HDAC10: variants seen among roughly 807,000 people sequenced by gnomAD.
HDAC10 encodes the protein polyamine deacetylase HDAC10.
A neutral mutation model predicts 82.3 loss-of-function variants in HDAC10; 90 were observed. The observed-to-expected ratio is 1.09, with a 90% CI of 0.92 to 1.30. The LOEUF is 1.30. Among genes scored for constraint, HDAC10 ranks in the 50% most tolerant of loss-of-function variants. HDAC10 has a pLI of 0.00. For synonymous variants in HDAC10, 456 were observed against 391.7 expected, an observed-to-expected ratio of 1.16 and a Z score of -1.94; for missense variants, 934 against 876.3, an observed-to-expected ratio of 1.07 and a Z score of -0.83.
Position 50,245,459 on chromosome 22 carries a change from G to C in HDAC10, c.*48C>G. Reference sequence around the variant, plus strand: ...TCCGGATCGCGGCCGCGGGGCGCTGGCGTGCGGTGTCATTTCTGCGGTGTA... The same window carrying C: ...TCCGGATCGCGGCCGCGGGGCGCTGCCGTGCGGTGTCATTTCTGCGGTGTA... On this transcript the variant is annotated 3_prime_UTR_variant, in exon 20 of 20. Transcript: ENST00000216271. The C allele has an allele frequency of 1.3e-6, 1 of 759,696 alleles. No homozygotes were observed. Among genetic ancestry groups the C allele is most frequent in the Admixed American group, 1.9e-5 (1 of 53,506 alleles). 47.1% of individuals were successfully genotyped at this position (759,696 alleles called of 1,614,324 possible).
chr22:50,249,684 C>A lies in HDAC10; in HGVS notation c.514G>T (p.Asp172Tyr), dbSNP rs752240088. Residue 172 changes from aspartate (D) to tyrosine (Y), a missense_variant, in exon 6 of 20, where the codon GAT becomes TAT. Transcript: ENST00000216271. The surrounding 1 kb of genome is among the most constrained non-coding windows in gnomAD (Gnocchi z 4.4). The stretch of plus-strand genomic sequence containing the variant: ...TGGATCCCCTGGCCATGGTGCACAT[C>A]CCAGTCCACGACGAGGATCCTGGGT... ...GLHRILVVDWDVHHGQGIQYL... is the reference protein window; with the variant it reads ...GLHRILVVDWYVHHGQGIQYL... The A allele has an allele frequency of 8.1e-6, 13 of 1,612,612 alleles. No individual in the cohort carries two copies. Among genetic ancestry groups the A allele is most frequent in the African/African-American group, 1.3e-5 (1 of 74,862 alleles).
At position 50,248,205 on chromosome 22, in the gene HDAC10, T is replaced by A. The variant is rs2065001625; in HGVS notation, c.1081+20A>T. ...GAGCCCGAGGTGGGATCCTGCAGCC[T>A]AGCACCCGGCCACACTGACCTTGCT... On this transcript the variant is annotated intron_variant, in intron 12 of 19. Coordinates refer to ENST00000216271, the MANE Select transcript of HDAC10 (RefSeq NM_032019.6). This position sits in a 1 kb window ranked among gnomAD's most constrained non-coding sequence, Gnocchi z 5.4. 1 of 1,608,650 alleles carries A rather than the reference T, an allele frequency of 6.2e-7. No homozygotes were observed. The highest frequency in any genetic ancestry group is 8.5e-7 in the Non-Finnish European group (1 of 1,178,110).
Position 50,249,152 on chromosome 22 carries a change from G to A in HDAC10, c.707C>T (p.Ala236Val), listed in dbSNP as rs2065024645. Residue 236 changes from alanine to valine, a missense_variant, in exon 8 of 20, where the codon GCT becomes GTT. By Grantham distance (64) the Ala-to-Val change is moderately conservative. Transcript: ENST00000216271. This position sits in a 1 kb window ranked among gnomAD's most constrained non-coding sequence, Gnocchi z 4.4. Reference sequence around the variant, plus strand: ...GTGCAGGAAGGCAGCCACGTAGTCAGCGTTTCCCATCCCAACCTGGCAGGA... The same window carrying A: ...GTGCAGGAAGGCAGCCACGTAGTCAACGTTTCCCATCCCAACCTGGCAGGA... Reference protein sequence around the residue: ...LPWNQVGMGNADYVAAFLHLL... With the variant: ...LPWNQVGMGNVDYVAAFLHLL... 15 of 1,605,154 alleles carry A rather than the reference G, an allele frequency of 9.3e-6. No individual in the cohort carries two copies. Among genetic ancestry groups the A allele is most frequent in the Non-Finnish European group, 1.3e-5 (15 of 1,176,682 alleles).
chr22:50,246,580 C>T (rs1177478089), intron 16 of HDAC10, 99 bp downstream of exon 16: 10 of 1,266,078 alleles, frequency 7.9e-6, no homozygotes, highest in Non-Finnish European at 1.1e-5. Context: ...CAGTACCACA[C>T]AGTGCCCCAC....
Position 50,248,362 on chromosome 22 carries a change from G to T in HDAC10, c.1013+4C>A. 1 of 1,610,760 alleles carries T rather than the reference G, an allele frequency of 6.2e-7. No individual in the cohort carries two copies. Among genetic ancestry groups the T allele is most frequent in the Non-Finnish European group, 8.5e-7 (1 of 1,179,802 alleles). On this transcript the variant is annotated splice_donor_region_variant and intron_variant, in intron 11 of 19. Transcript: ENST00000216271. The surrounding 1 kb of genome is among the most constrained non-coding windows in gnomAD (Gnocchi z 5.4). ...GGCCCTGCCCGCCCTACCTCCCCTC[G>T]CACCTCTGACATGGCGCCATTGGCC...
Position 50,249,722 on chromosome 22 carries a change from G to T in HDAC10, c.495-19C>A, listed in dbSNP as rs1348678969. On this transcript the variant is annotated intron_variant, in intron 5 of 19. Coordinates refer to ENST00000216271, the MANE Select transcript of HDAC10 (RefSeq NM_032019.6). This position sits in a 1 kb window ranked among gnomAD's most constrained non-coding sequence, Gnocchi z 4.4. ...GAGGATCCTGGGTACAGACAGCGCT[G>T]GTGGCAAAGGGGCAGGGCCTCCCAC... The T allele has an allele frequency of 1.2e-6, 2 of 1,612,336 alleles. No homozygotes were observed. The highest frequency in any genetic ancestry group is 1.7e-6 in the Non-Finnish European group (2 of 1,179,766).
At chr22:50,247,065 A>G (rs1279406669) in intron 14 of HDAC10, 99 bp from the exon 15 acceptor site, 2 of 666,046 alleles carry the variant, frequency 3.0e-6, no homozygotes, top group African/African-American at 1.8e-5. Flanking sequence ...CTCTGCGGCT[A>G]CTGTCAGCCA....
chr22:50,250,457 G>T lies in HDAC10; in HGVS notation c.261C>A (p.Ser87=), dbSNP rs745703749. The stretch of plus-strand genomic sequence containing the variant: ...GGAAGTAGATGGCGTCGAACTGTCC[G>T]GACAGCGCCTGCAGCTCCTCCTTGC... ...VLGKEELQAL[S]GQFDAIYFHP... The change falls in exon 3 of 20, where the codon TCC becomes TCA. Residue 87 remains serine, a synonymous_variant. Coordinates refer to ENST00000216271, the MANE Select transcript of HDAC10 (RefSeq NM_032019.6). The T allele has an allele frequency of 6.2e-7, 1 of 1,613,012 alleles. No homozygotes were observed. The highest frequency in any genetic ancestry group is 8.5e-7 in the Non-Finnish European group (1 of 1,179,982).
In HDAC10 at chr22:50,245,239, G is replaced by C. The variant is rs905916339; in HGVS notation, c.*268C>G. The C allele has an allele frequency of 3.5e-6, 2 of 576,832 alleles. No homozygotes were observed. The highest frequency in any genetic ancestry group is 3.2e-5 in the Admixed American group (1 of 31,330). The allele number at this position is 576,832 out of a possible 1,614,324, so 35.7% of individuals were successfully genotyped here. ...AGGGCGGGGAGCGAAGCGCAGCGGG[G>C]CGCAGGGGCCGGAACGGGACCGAGC... On this transcript the variant is annotated 3_prime_UTR_variant, in exon 20 of 20. Coordinates refer to ENST00000216271, the MANE Select transcript of HDAC10 (RefSeq NM_032019.6).
At chr22:50,250,323 G>C in intron 3 of HDAC10, 104 bp downstream of exon 3, 1 of 1,265,012 alleles carries the variant, frequency 7.9e-7, no homozygotes, top group Non-Finnish European at 1.1e-6. Flanking sequence ...AATGTCATGT[G>C]TATGGACCAG....
chr22:50,246,012 C>T lies in HDAC10; in HGVS notation c.1731G>A (p.Val577=). ...GCAGGCCATGGCCAGGCCCCAGCGC[C>T]ACCAGCACCAGGTCAGGCTGGAAGC... ...AYGFQPDLVL[V]ALGPGHGLQG... The change falls in exon 18 of 20, where the codon GTG becomes GTA. Residue 577 remains valine, a synonymous_variant. Coordinates refer to ENST00000216271, the MANE Select transcript of HDAC10 (RefSeq NM_032019.6). 7 of 1,612,628 alleles carry T rather than the reference C, an allele frequency of 4.3e-6. No homozygotes were observed. The African/African-American group carries it at 6.7e-5, about 15-fold the overall frequency.
At chr22:50,246,246 C>T (rs186392057) in intron 17 of HDAC10, 52 bp downstream of exon 17, 11 of 1,551,910 alleles carry the variant, frequency 7.1e-6, no homozygotes, top group South Asian at 1.1e-5. Context: ...AGCAGCTGTA[C>T]ACATCCATGG....
Position 50,248,610 on chromosome 22 carries a change from G to C in HDAC10, c.906+52C>G, listed in dbSNP as rs2065011997. 1 of 1,476,300 alleles carries C rather than the reference G, an allele frequency of 6.8e-7. No homozygotes were observed. Among genetic ancestry groups the C allele is most frequent in the African/African-American group, 1.4e-5 (1 of 71,608 alleles). 91.5% of individuals were successfully genotyped at this position (1,476,300 alleles called of 1,614,324 possible). ...GTGGGCACCTGGCTCCCATGCTCCT[G>C]ACCCCCAGGCCTCTGGCCCAGAGAC... On this transcript the variant is annotated intron_variant, in intron 10 of 19. Transcript: ENST00000216271. This position sits in a 1 kb window ranked among gnomAD's most constrained non-coding sequence, Gnocchi z 5.4.
Position 50,251,068 on chromosome 22 carries a change from C to G in HDAC10, c.-36G>C. ...TGGTCACCCTGGGTTCCCAAACGCC[C>G]TCGCTAGTGGTGCCTGCCACTGCCT... On this transcript the variant is annotated 5_prime_UTR_variant, in exon 1 of 20. Coordinates refer to ENST00000216271, the MANE Select transcript of HDAC10 (RefSeq NM_032019.6). 2 of 1,590,824 alleles carry G rather than the reference C, an allele frequency of 1.3e-6. No homozygotes were observed. The highest frequency in any genetic ancestry group is 1.7e-6 in the Non-Finnish European group (2 of 1,166,638).
rs746204486 is a variant in HDAC10, at chr22:50,249,629, G to C, written c.563+6C>G. 6.2e-7 allele frequency: 1 copy of C among 1,612,674 alleles called. No homozygotes were observed. Among genetic ancestry groups the C allele is most frequent in the Non-Finnish European group, 8.5e-7 (1 of 1,179,898 alleles). On this transcript the variant is annotated splice_donor_region_variant and intron_variant, in intron 6 of 19. Coordinates refer to ENST00000216271, the MANE Select transcript of HDAC10 (RefSeq NM_032019.6). This position sits in a 1 kb window ranked among gnomAD's most constrained non-coding sequence, Gnocchi z 4.4. ...AGGGAAGGGTGGTTTCCGCACCCCT[G>C]CTCACCTGGGGTCATCCTCAAAGAG...
Position 50,248,096 on chromosome 22 carries a change from C to T in HDAC10, c.1131G>A (p.Arg377=). Residue 377 remains arginine (R), a synonymous_variant, in exon 13 of 20, where the codon AGG becomes AGA. Transcript: ENST00000216271. The surrounding 1 kb of genome is among the most constrained non-coding windows in gnomAD (Gnocchi z 5.4). The part of the protein sequence containing the change: ...MSPSSHSPEG[R]PPPLLPGGPV... ...GACCCCCAGGCAGCAGAGGTGGAGG[C>T]CTCCCCTCTGGGGAGTGGCTGCTGG... The T allele has an allele frequency of 6.3e-7, 1 of 1,596,352 alleles. No homozygotes were observed. The highest frequency in any genetic ancestry group is 1.1e-5 in the South Asian group (1 of 88,934).
In HDAC10 at chr22:50,250,939, C is replaced by T. The variant is rs7288675; in HGVS notation, c.60-34G>A. The T allele has an allele frequency of 1.9e-4, 308 of 1,609,964 alleles. 1 individual carries two copies. The African/African-American group carries it at 3.4e-3, about 18-fold the overall frequency. On this transcript the variant is annotated intron_variant, in intron 1 of 19. Coordinates refer to ENST00000216271, the MANE Select transcript of HDAC10 (RefSeq NM_032019.6). ...GATGAGGAGCTCAGTTCAGAGGTCC[C>T]TCCCCGCACCCCACCTCGGCCAGGT... is the stretch of plus-strand genomic sequence containing the variant.
chr22:50,245,234 G>T lies in HDAC10; in HGVS notation c.*273C>A. ...GCGCAAGGGCGGGGAGCGAAGCGCA[G>T]CGGGGCGCAGGGGCCGGAACGGGAC... is the stretch of plus-strand genomic sequence containing the variant. On this transcript the variant is annotated 3_prime_UTR_variant, in exon 20 of 20. Transcript: ENST00000216271. 1.7e-6 allele frequency: 1 copy of T among 574,286 alleles called. No individual in the cohort carries two copies. Among genetic ancestry groups the T allele is most frequent in the East Asian group, 3.0e-5 (1 of 32,812 alleles). The allele number at this position is 574,286 out of a possible 1,614,324, so 35.6% of individuals were successfully genotyped here. A position where few individuals can be genotyped will look rare whatever the true frequency, so the allele number is the denominator to read the frequency against.
At position 50,249,571 on chromosome 22, in the gene HDAC10, A is replaced by G. The variant is rs1429254294; in HGVS notation, c.563+64T>C. On this transcript the variant is annotated intron_variant, in intron 6 of 19. Transcript: ENST00000216271. The surrounding 1 kb of genome is among the most constrained non-coding windows in gnomAD (Gnocchi z 4.4). ...CTGTATCTCACCCCTGGATTTTCCC[A>G]GGCCAGGCTGTGCACCCAAAAACTG... is the stretch of plus-strand genomic sequence containing the variant. 2.5e-6 allele frequency: 4 copies of G among 1,608,056 alleles called. No homozygotes were observed. Among genetic ancestry groups the G allele is most frequent in the African/African-American group, 1.3e-5 (1 of 74,808 alleles).
Sources: gnomAD v4.1 joint callset for allele counts on GRCh38, gnomAD v4.1.1 for gene constraint, Gnocchi (gnomAD v3.1) non-coding constraint, MANE v1.5 for transcripts, NCBI Gene and HGNC (gene_info 2026-07-23, HGNC 2026-07-21) for gene names.